Variants in STK31 observed in about 807,000 individuals in gnomAD.
STK31 encodes the protein serine/threonine kinase 31, also known as serine/threonine-protein kinase 31.
In STK31, 89 loss-of-function variants were observed where a neutral mutation model predicts 129.7. The observed-to-expected ratio is 0.69, with a 90% confidence interval of 0.58 to 0.82. The LOEUF (loss-of-function observed/expected upper bound fraction) is 0.82, where lower values mean the gene tolerates loss of function less well. Ranked by LOEUF, STK31 falls within the 40% of genes least tolerant of loss-of-function variation. The probability of loss-of-function intolerance (pLI) is 0.00; values close to 1 mark genes in which losing one functional copy is unlikely to be tolerated. For missense variants in STK31, 1,187 were observed against 1,176.4 expected (o/e 1.01, Z -0.13); for synonymous variants, 448 against 395.3 (o/e 1.13, Z -1.58).
rs1336803903 is a variant in STK31, at chr7:23,759,236, A to T, written c.1294-3565A>T. On this transcript the variant is annotated intron_variant, in intron 10 of 23. Coordinates refer to ENST00000355870, the MANE Select transcript of STK31 (RefSeq NM_031414.5). ...ATTAGATCAACGAGACAGAAAATTA[A>T]CAAGGATATTCAGGACTTGAACTTA... 3.3e-5 allele frequency among the ~76,000 whole-genome samples: 5 copies of T among 152,342 alleles called. No homozygotes were observed. In the East Asian group the frequency reaches 9.7e-4, roughly 29 times the overall value.
chr7:23,783,478 T>C (rs1791061006), intron 16 of STK31, 105 bp from the exon 17 acceptor site: 5 of 722,956 alleles, frequency 6.9e-6, no homozygotes, highest in Non-Finnish European at 1.1e-5. Context: ...TGTATCTTAC[T>C]GGATATGTTA....
At chr7:23,829,087 T>C (rs1374171855) in intron 23 of STK31, among the ~76,000 whole-genome samples, 2 of 151,808 alleles carry the variant, frequency 1.3e-5, no homozygotes, top group South Asian at 2.1e-4. Flanking sequence ...TTTTTGTATT[T>C]TTTAGTAGAG....
intron 15 of STK31, among the ~76,000 whole-genome samples, chr7:23,780,771 A>G (rs1755356895): frequency 6.6e-6 from 1 of 152,212 alleles, no homozygotes; most frequent in African/African-American, 2.4e-5. Flanking sequence ...TTTAGGGTGA[A>G]GATCCTGAGA....
chr7:23,773,064 C>T (rs1027994771), intron 15 of STK31, among the ~76,000 whole-genome samples: 33 of 152,058 alleles, frequency 2.2e-4, no homozygotes, highest in African/African-American at 7.0e-4. Flanking sequence ...TTTTGTTATA[C>T]TTTAAGTTCT....
intron 10 of STK31, among the ~76,000 whole-genome samples, chr7:23,760,220 C>G (rs1311783160): frequency 6.6e-6 from 1 of 152,166 alleles, no homozygotes; most frequent in Non-Finnish European, 1.5e-5. Flanking sequence ...CACCTGTGAG[C>G]TCTATACTTG....
At chr7:23,722,544 T>A (rs1020806076) in intron 4 of STK31, 7 of 152,590 alleles carry the variant, frequency 4.6e-5, no homozygotes, top group Admixed American at 1.3e-4. Context: ...AGGGACCCAC[T>A]TGAGGATACA....
chr7:23,831,968 C>T (rs903593720), intron 23 of STK31, among the ~76,000 whole-genome samples, 168 bp from the exon 24 acceptor site: 1 of 152,058 alleles, frequency 6.6e-6, no homozygotes, highest in African/African-American at 2.4e-5. Flanking sequence ...ATTATCGGCT[C>T]ATTATTTTGG....
intron 11 of STK31, among the ~76,000 whole-genome samples, chr7:23,764,882 A>C (rs1195925041): frequency 2.0e-5 from 3 of 152,120 alleles, no homozygotes; most frequent in African/African-American, 7.2e-5. Context: ...CCAAACCTAA[A>C]CTAAAAGTCA....
In STK31 at chr7:23,739,000, T is replaced by G. The variant is rs1406333902; in HGVS notation, c.1017+1922T>G. ...CCTTTGGGTATATACCCAGTAATGG[T>G]ATTGCTGGGTCAAATGGTATTTCTT... On this transcript the variant is annotated intron_variant, in intron 8 of 23. Transcript: ENST00000355870. 6.6e-5 allele frequency among the ~76,000 whole-genome samples: 10 copies of G among 152,342 alleles called. No homozygotes were observed. In the East Asian group the frequency reaches 1.9e-3, roughly 29 times the overall value.
intron 4 of STK31, among the ~76,000 whole-genome samples, chr7:23,717,874 G>C (rs930008918): frequency 6.6e-6 from 1 of 152,150 alleles, no homozygotes; most frequent in Non-Finnish European, 1.5e-5. Flanking sequence ...GAAGTACTTA[G>C]AGTAGTCAAA....
At chr7:23,801,657 A>T (rs917280235) in intron 22 of STK31, among the ~76,000 whole-genome samples, 5 of 152,134 alleles carry the variant, frequency 3.3e-5, no homozygotes, top group African/African-American at 4.8e-5. Context: ...TTTCTTCTAA[A>T]AGCTCTATAG....
intron 8 of STK31, among the ~76,000 whole-genome samples, chr7:23,744,183 G>GTGC (rs1422703013): frequency 6.6e-6 from 1 of 151,582 alleles, no homozygotes; most frequent in Non-Finnish European, 1.5e-5. Flanking sequence ...GCCTCCCAAA[G>GTGC]TGCTGGGATT....
chr7:23,803,138 G>A (rs542542138), intron 22 of STK31, among the ~76,000 whole-genome samples: 7 of 152,178 alleles, frequency 4.6e-5, no homozygotes, highest in African/African-American at 1.7e-4. Context: ...TTTTTTGATA[G>A]TAAAGTTAGT....
At chr7:23,751,091 T>G (rs1161537110) in intron 8 of STK31, among the ~76,000 whole-genome samples, 4 of 152,234 alleles carry the variant, frequency 2.6e-5, no homozygotes, top group Non-Finnish European at 5.9e-5. Context: ...AGATCAACTT[T>G]TTTTAGCTCC....
chr7:23,818,610 T>C (rs1793601269), intron 23 of STK31, among the ~76,000 whole-genome samples: 1 of 84,792 alleles, frequency 1.2e-5, no homozygotes, highest in South Asian at 3.3e-4. Flanking sequence ...CACTGCTTTT[T>C]TGTTTTGTTA....
chr7:23,725,377 A>AAAG (rs1428363958), intron 4 of STK31, among the ~76,000 whole-genome samples: 4 of 148,578 alleles, frequency 2.7e-5, no homozygotes, highest in Non-Finnish European at 6.0e-5. Flanking sequence ...TTCTACAAAA[A>AAAG]AAAAAAAAAA....
chr7:23,829,592 T>C (rs1287960296), intron 23 of STK31, among the ~76,000 whole-genome samples: 1 of 152,188 alleles, frequency 6.6e-6, no homozygotes, highest in Non-Finnish European at 1.5e-5. Context: ...AGTTTTTTGT[T>C]GTTGTTGTGT....
chr7:23,781,524 A>T lies in STK31; in HGVS notation c.2067+4A>T. ...TTATCATGAGAGAGAGGAATATGTA[A>T]GTATTTGGTTCTTTGAAGTTTTACA... is the stretch of plus-strand genomic sequence containing the variant. On this transcript the variant is annotated splice_donor_region_variant and intron_variant, in intron 16 of 23. Transcript: ENST00000355870. The T allele has an allele frequency of 6.3e-7, 1 of 1,592,238 alleles. No homozygotes were observed. Among genetic ancestry groups the T allele is most frequent in the Non-Finnish European group, 8.6e-7 (1 of 1,169,004 alleles).
intron 23 of STK31, among the ~76,000 whole-genome samples, chr7:23,819,632 C>T (rs1793682137): frequency 6.6e-6 from 1 of 152,148 alleles, no homozygotes; most frequent in African/African-American, 2.4e-5. Flanking sequence ...CCAGGCTGAT[C>T]TTAAACTCCT....
Sources: gnomAD v4.1 joint callset for allele counts (sites outside exome capture counted in the v4.1 genomes callset) on GRCh38, gnomAD v4.1.1 for gene constraint, MANE v1.5 for transcripts, NCBI Gene and HGNC (gene_info 2026-07-23, HGNC 2026-07-21) for gene names.